KCNMA1: variants seen among roughly 807,000 people sequenced by gnomAD.
KCNMA1 encodes Calcium-activated potassium channel subunit alpha-1.
Under a neutral mutation model 140.0 loss-of-function variants are expected in KCNMA1, and 29 were observed. The observed-to-expected ratio is 0.21, with a 90% CI of 0.15 to 0.28. The LOEUF is 0.28. KCNMA1 is among the 10% of genes least tolerant of loss of function. KCNMA1 has a pLI of 1.00. For missense variants in KCNMA1, 880 were observed against 1,602.2 expected (o/e 0.55, Z 7.70); for synonymous variants, 612 against 611.9 (o/e 1.00, Z 0.00).
chr10:77,054,393 G>A (rs935778583), intron 14 of KCNMA1, among the ~76,000 whole-genome samples: 2 of 152,124 alleles, frequency 1.3e-5, no homozygotes, highest in Non-Finnish European at 2.9e-5. Flanking sequence ...AAAAAGCAAT[G>A]CCACAGGTAT....
chr10:77,387,300 G>C (rs1287216624), intron 2 of KCNMA1, among the ~76,000 whole-genome samples: 1 of 152,208 alleles, frequency 6.6e-6, no homozygotes, highest in African/African-American at 2.4e-5. Context: ...CAAATTTGCT[G>C]TTTCTCTGAG....
chr10:77,562,788 G>GA (rs1353066212), intron 1 of KCNMA1, among the ~76,000 whole-genome samples: 3 of 152,344 alleles, frequency 2.0e-5, no homozygotes, highest in Non-Finnish European at 4.4e-5. Context: ...TAGTTGCTTA[G>GA]ATTCAGTTAG....
chr10:76,902,357 T>A (rs912716564), intron 25 of KCNMA1: 8 of 152,250 alleles, frequency 5.3e-5, no homozygotes, highest in Non-Finnish European at 1.2e-4. Flanking sequence ...TAAGCTTTTG[T>A]CCTGCCAGTC....
At chr10:77,134,069 A>T (rs2097921157) in intron 5 of KCNMA1, among the ~76,000 whole-genome samples, 2 of 152,192 alleles carry the variant, frequency 1.3e-5, no homozygotes, top group Non-Finnish European at 2.9e-5. Flanking sequence ...ACCATAATGG[A>T]AATAAGTTTG....
chr10:77,311,125 G>A (rs1246082006), intron 2 of KCNMA1, among the ~76,000 whole-genome samples: 1 of 152,166 alleles, frequency 6.6e-6, no homozygotes, highest in Non-Finnish European at 1.5e-5. Flanking sequence ...ATTCTGTGAA[G>A]AGTCTCCAGC....
intron 3 of KCNMA1, among the ~76,000 whole-genome samples, chr10:77,245,055 A>C (rs1370838942): frequency 1.3e-5 from 2 of 152,106 alleles, no homozygotes; most frequent in Non-Finnish European, 1.5e-5. Flanking sequence ...GGATGGAGAA[A>C]ACTGGGGGGA....
chr10:77,616,676 C>A (rs766467884), intron 1 of KCNMA1, among the ~76,000 whole-genome samples: 28 of 151,954 alleles, frequency 1.8e-4, no homozygotes, highest in Non-Finnish European at 3.7e-4. Context: ...CATGGTGGTG[C>A]GCACCTGTAA....
At chr10:77,077,207 A>G (rs1175334502) in intron 13 of KCNMA1, among the ~76,000 whole-genome samples, 3 of 152,198 alleles carry the variant, frequency 2.0e-5, no homozygotes, top group Non-Finnish European at 4.4e-5. Context: ...TTCTTTCTCT[A>G]GAAGAGAGAT....
intron 1 of KCNMA1, among the ~76,000 whole-genome samples, chr10:77,450,625 T>C (rs1433332921): frequency 6.6e-6 from 1 of 152,190 alleles, no homozygotes; most frequent in Admixed American, 6.5e-5. Flanking sequence ...CTTTAAGGTA[T>C]CTCACTAGTA....
At chr10:77,503,556 C>A (rs1212013737) in intron 1 of KCNMA1, among the ~76,000 whole-genome samples, 2 of 152,316 alleles carry the variant, frequency 1.3e-5, no homozygotes, top group East Asian at 1.9e-4. Context: ...ATTGAAGAGG[C>A]CATTAAATTC....
At chr10:77,240,784 C>T (rs1428443320) in intron 3 of KCNMA1, among the ~76,000 whole-genome samples, 1 of 152,222 alleles carries the variant, frequency 6.6e-6, no homozygotes, top group African/African-American at 2.4e-5. Flanking sequence ...TTGCAGTCCT[C>T]ACCAGATCCG....
chr10:77,408,891 T>C (rs927111102), intron 1 of KCNMA1, among the ~76,000 whole-genome samples: 1 of 152,084 alleles, frequency 6.6e-6, no homozygotes, highest in Admixed American at 6.5e-5. Flanking sequence ...CACAGCTGCC[T>C]CTCAGTGGCA....
At chr10:76,872,725 A>G (rs1257350143), downstream of KCNMA1, 2 of 152,210 alleles carry the variant, frequency 1.3e-5, no homozygotes, top group African/African-American at 2.4e-5. Context: ...TACTATTGAA[A>G]TGCCTCCAAA....
At chr10:77,255,349 C>T (rs999629116) in intron 2 of KCNMA1, among the ~76,000 whole-genome samples, 1 of 152,142 alleles carries the variant, frequency 6.6e-6, no homozygotes, top group Non-Finnish European at 1.5e-5. Context: ...CCTGTAATCC[C>T]AGCACTTTGG....
At chr10:76,909,581 C>G (rs901348637) in intron 25 of KCNMA1, among the ~76,000 whole-genome samples, 2 of 151,618 alleles carry the variant, frequency 1.3e-5, no homozygotes, top group African/African-American at 4.9e-5. Flanking sequence ...AGCCTCAGGT[C>G]CCCCCCAACA....
chr10:77,435,258 A>C (rs556020688), intron 1 of KCNMA1, among the ~76,000 whole-genome samples: 274 of 152,298 alleles, frequency 1.8e-3, no homozygotes, highest in African/African-American at 6.4e-3. Flanking sequence ...TATCTTAAGG[A>C]TACTCCGTAA....
intron 2 of KCNMA1, among the ~76,000 whole-genome samples, chr10:77,289,795 A>T (rs2154307947): frequency 6.6e-6 from 1 of 152,340 alleles, no homozygotes; most frequent in East Asian, 1.9e-4. Context: ...TAGATGGCCT[A>T]CTATGCTTAT....
intron 1 of KCNMA1, among the ~76,000 whole-genome samples, chr10:77,472,470 C>A: frequency 6.6e-6 from 1 of 151,472 alleles, no homozygotes; most frequent in Admixed American, 6.6e-5. Flanking sequence ...ACACAGAGAG[C>A]ATACATACTA....
intron 23 of KCNMA1, among the ~76,000 whole-genome samples, chr10:76,928,061 A>G (rs1452002767): frequency 6.6e-6 from 1 of 152,104 alleles, no homozygotes; most frequent in East Asian, 1.9e-4. Flanking sequence ...TATACTGGCA[A>G]ATAGAATCTG....
Sources: allele counts gnomAD v4.1 joint callset (sites outside exome capture counted in the v4.1 genomes callset), GRCh38; gene constraint gnomAD v4.1.1; transcripts MANE v1.5; gene names NCBI Gene and HGNC (gene_info 2026-07-23, HGNC 2026-07-21).